ALCAM: variants seen among roughly 807,000 people sequenced by gnomAD.
ALCAM encodes the protein CD166 antigen.
ALCAM carries 30 observed loss-of-function variants against 70.9 expected under a neutral mutation model. The observed-to-expected ratio is 0.42, with a 90% confidence interval of 0.32 to 0.57. ALCAM has a LOEUF of 0.57. Ranked by LOEUF, ALCAM falls within the 20% of genes least tolerant of loss-of-function variation. The pLI is 0.11. For synonymous variants in ALCAM, 249 were observed against 242.5 expected (o/e 1.03, Z -0.25); for missense variants, 591 against 695.1 (o/e 0.85, Z 1.68).
chr3:105,421,623 A>G (rs1254996424), intron 1 of ALCAM, among the ~76,000 whole-genome samples: 1 of 151,482 alleles, frequency 6.6e-6, no homozygotes, highest in Admixed American at 6.6e-5. Context: ...CTTGTCACCC[A>G]TAGAAATCCT....
intron 1 of ALCAM, among the ~76,000 whole-genome samples, chr3:105,413,000 T>A (rs1264250987): frequency 6.6e-6 from 1 of 152,116 alleles, no homozygotes; most frequent in Non-Finnish European, 1.5e-5. Context: ...TTTTAGATGC[T>A]TAAGTTTTGC....
At chr3:105,415,892 C>A (rs1220473373) in intron 1 of ALCAM, among the ~76,000 whole-genome samples, 2 of 151,904 alleles carry the variant, frequency 1.3e-5, no homozygotes, top group Non-Finnish European at 2.9e-5. Flanking sequence ...TATTTTGGGG[C>A]CTAAAGAAAG....
At chr3:105,533,084 A>G (rs141259742) in intron 4 of ALCAM, among the ~76,000 whole-genome samples, 3 of 152,188 alleles carry the variant, frequency 2.0e-5, no homozygotes, top group Non-Finnish European at 4.4e-5. Context: ...TTTACTGCAT[A>G]AAATTATTTG....
intron 1 of ALCAM, among the ~76,000 whole-genome samples, chr3:105,438,828 G>A (rs1214089244): frequency 1.3e-5 from 2 of 152,004 alleles, no homozygotes; most frequent in Non-Finnish European, 2.9e-5. Flanking sequence ...AGTTAGGATT[G>A]TGCACTGCAC....
chr3:105,376,661 A>T (rs951505202), intron 1 of ALCAM, among the ~76,000 whole-genome samples: 11 of 152,226 alleles, frequency 7.2e-5, no homozygotes, highest in African/African-American at 2.4e-4. Context: ...AATTTTGGTA[A>T]ATGTCACAAG....
At chr3:105,384,263 T>C (rs1168067790) in intron 1 of ALCAM, among the ~76,000 whole-genome samples, 2 of 151,640 alleles carry the variant, frequency 1.3e-5, no homozygotes, top group Non-Finnish European at 3.0e-5. Flanking sequence ...GAAATAAGTC[T>C]TTACTGATAA....
chr3:105,490,398 C>T (rs1012439641), intron 1 of ALCAM, among the ~76,000 whole-genome samples: 1 of 152,262 alleles, frequency 6.6e-6, no homozygotes, highest in Admixed American at 6.5e-5. Context: ...TTTGTACCGC[C>T]GAATCCTCTT....
chr3:105,372,462 A>G (rs772792222), intron 1 of ALCAM, among the ~76,000 whole-genome samples: 1 of 152,150 alleles, frequency 6.6e-6, no homozygotes, highest in Non-Finnish European at 1.5e-5. Flanking sequence ...ATCATAGCCC[A>G]TTACTGTAGT....
intron 1 of ALCAM, among the ~76,000 whole-genome samples, chr3:105,504,060 T>G (rs1442100766): frequency 1.3e-5 from 2 of 152,216 alleles, no homozygotes; most frequent in Non-Finnish European, 2.9e-5. Flanking sequence ...TTAAAGCAAC[T>G]TATACTTATT....
At chr3:105,496,827 G>GGGGT (rs755792411) in intron 1 of ALCAM, among the ~76,000 whole-genome samples, 8,717 of 103,768 alleles carry the variant, frequency 0.084, 315 homozygotes, top group South Asian at 0.12. Context: ...GTCCAATTGA[G>GGGGT]GTGTGTGTGT....
intron 6 of ALCAM, among the ~76,000 whole-genome samples, chr3:105,535,049 C>A (rs1048393045): frequency 2.6e-5 from 4 of 152,098 alleles, no homozygotes; most frequent in African/African-American, 9.7e-5. Context: ...ATCTTTCACT[C>A]TCTACATTTT....
intron 1 of ALCAM, among the ~76,000 whole-genome samples, chr3:105,385,177 C>T (rs980625739): frequency 6.6e-6 from 1 of 151,450 alleles, no homozygotes; most frequent in Non-Finnish European, 1.5e-5. Flanking sequence ...CTCAATTTTC[C>T]ATGGAAATAG....
At chr3:105,517,693 A>G (rs1292240243) in intron 1 of ALCAM, among the ~76,000 whole-genome samples, 1 of 152,134 alleles carries the variant, frequency 6.6e-6, no homozygotes, top group African/African-American at 2.4e-5. Flanking sequence ...TTTCTCCTCA[A>G]GACAGAGCTT....
At position 105,444,282 on chromosome 3, in the gene ALCAM, T is replaced by TA. The variant is rs200422785; in HGVS notation, c.74-75785_74-75784insA. ...TAATGGACTCACAGTTCCACATGGC[T>TA]GGGGAGGCCTCAGGAAACTTACAAC... On this transcript the variant is annotated intron_variant, in intron 1 of 15. Coordinates refer to ENST00000306107, the MANE Select transcript of ALCAM (RefSeq NM_001627.4). 4.1e-4 allele frequency among the ~76,000 whole-genome samples: 62 copies of TA among 152,294 alleles called. No individual in the cohort carries two copies. The East Asian group carries it at 6.9e-3, about 17-fold the overall frequency.
chr3:105,378,619 T>C (rs1352918767), intron 1 of ALCAM, among the ~76,000 whole-genome samples: 1 of 116,028 alleles, frequency 8.6e-6, no homozygotes, highest in Admixed American at 1.1e-4. Flanking sequence ...TACTGGCTAG[T>C]TCTCAAATAG....
intron 1 of ALCAM, among the ~76,000 whole-genome samples, chr3:105,425,950 G>A (rs1325567692): frequency 6.6e-6 from 1 of 151,724 alleles, no homozygotes; most frequent in East Asian, 1.9e-4. Flanking sequence ...ATGCTTACAT[G>A]ATTTCATGTA....
intron 1 of ALCAM, among the ~76,000 whole-genome samples, chr3:105,414,514 C>T (rs1440580885): frequency 6.6e-6 from 1 of 152,106 alleles, no homozygotes; most frequent in African/African-American, 2.4e-5. Context: ...ATTGGAACGC[C>T]TCCTTATGCA....
At chr3:105,571,790 T>C (rs1940865876) in intron 14 of ALCAM, 62 bp from the exon 15 acceptor site, 1 of 1,241,804 alleles carries the variant, frequency 8.1e-7, no homozygotes, top group Admixed American at 2.3e-5. Flanking sequence ...AATCTTAAAA[T>C]TAAATATAAA....
At chr3:105,468,630 T>C (rs567185554) in intron 1 of ALCAM, among the ~76,000 whole-genome samples, 47 of 151,370 alleles carry the variant, frequency 3.1e-4, no homozygotes, top group Admixed American at 2.7e-3. Flanking sequence ...TACTTTGCCA[T>C]TTCTGTTCCC....
Sources: gnomAD v4.1 joint callset for allele counts (sites outside exome capture counted in the v4.1 genomes callset) on GRCh38, gnomAD v4.1.1 for gene constraint, MANE v1.5 for transcripts, NCBI Gene and HGNC (gene_info 2026-07-23, HGNC 2026-07-21) for gene names.